Variants in ITPRID1 observed in about 807,000 individuals in gnomAD.
ITPRID1 encodes ITPR interacting domain containing 1.
A neutral mutation model predicts 95.4 loss-of-function variants in ITPRID1; 96 were observed. That is an observed-to-expected ratio of 1.01 (90% confidence interval 0.85 to 1.19). ITPRID1 has a LOEUF of 1.19. ITPRID1 is among the 50% of genes most tolerant of loss of function. The pLI, the probability that ITPRID1 is intolerant of heterozygous loss-of-function variation, is 0.00. For synonymous variants in ITPRID1, 510 were observed against 453.6 expected (o/e 1.12, Z -1.58); for missense variants, 1,339 against 1,252.9 (o/e 1.07, Z -1.04).
At chr7:31,615,909 A>C (rs1787169457) in intron 10 of ITPRID1, among the ~76,000 whole-genome samples, 1 of 151,828 alleles carries the variant, frequency 6.6e-6, no homozygotes, top group South Asian at 2.1e-4. Flanking sequence ...GCCTGCCACC[A>C]CGCCTGGCTA....
chr7:31,538,262 G>GCACA (rs374840092), intron 1 of ITPRID1, among the ~76,000 whole-genome samples: 9 of 150,854 alleles, frequency 6.0e-5, no homozygotes, highest in African/African-American at 1.9e-4. Context: ...ACGTGCGCAT[G>GCACA]CACACACACA....
intron 10 of ITPRID1, among the ~76,000 whole-genome samples, chr7:31,616,780 G>T (rs1227670769): frequency 6.8e-6 from 1 of 147,726 alleles, no homozygotes; most frequent in Non-Finnish European, 1.5e-5. Flanking sequence ...AACCAAAAAG[G>T]TTTCTAAATT....
chr7:31,543,122 G>C (rs2128133528), intron 1 of ITPRID1, among the ~76,000 whole-genome samples: 1 of 152,130 alleles, frequency 6.6e-6, no homozygotes, highest in Non-Finnish European at 1.5e-5. Context: ...TTTAAGAATG[G>C]GGCTAGGAAA....
rs1355214800 is a variant in ITPRID1 at position 31,553,066 on chromosome 7, A to AG, written c.44dup (p.Gln16ProfsTer21). 1.9e-6 allele frequency: 3 copies of AG among 1,609,248 alleles called. No homozygotes were observed. The highest frequency in any genetic ancestry group is 1.3e-5 in the African/African-American group (1 of 74,860). ...CACAAGGATCTGACAACCTTCAGGA[A>AG]GGCCAGGAAAAGAGCAAGAGAGAGA... is the stretch of plus-strand genomic sequence containing the variant. On this transcript the variant is annotated frameshift_variant, in exon 3 of 15. Transcript: ENST00000615280. LOFTEE classifies it high-confidence loss of function.
Position 31,625,301 on chromosome 7 carries a change from T to C in ITPRID1, c.1229-16875T>C, listed in dbSNP as rs1019106164. 6.8e-4 allele frequency among the ~76,000 whole-genome samples: 103 copies of C among 152,054 alleles called. 1 individual carries two copies. The highest frequency in any genetic ancestry group is 2.4e-3 in the African/African-American group (99 of 41,436). ...TATACCCAAAGGATATAAATCATGC[T>C]GCTATAAAGACACATGCACTCATAT... On this transcript the variant is annotated intron_variant, in intron 10 of 14. Coordinates refer to ENST00000615280, the MANE Select transcript of ITPRID1 (RefSeq NM_001257967.3).
At chr7:31,625,411 G>A (rs917355780) in intron 10 of ITPRID1, among the ~76,000 whole-genome samples, 5 of 151,952 alleles carry the variant, frequency 3.3e-5, no homozygotes, top group African/African-American at 7.3e-5. Context: ...AGAAAATGTG[G>A]CACATATACA....
intron 10 of ITPRID1, among the ~76,000 whole-genome samples, chr7:31,602,918 C>G (rs1037465426): frequency 5.6e-5 from 7 of 125,254 alleles, no homozygotes; most frequent in Non-Finnish European, 9.5e-5. Flanking sequence ...TTCATAGATT[C>G]GTTAATAGTC....
At chr7:31,609,870 T>G (rs1786789113) in intron 10 of ITPRID1, among the ~76,000 whole-genome samples, 1 of 151,488 alleles carries the variant, frequency 6.6e-6, no homozygotes. Context: ...AGGTAAGAGG[T>G]TAGGTAATTT....
intron 8 of ITPRID1, among the ~76,000 whole-genome samples, chr7:31,575,458 T>C (rs1177632028): frequency 1.3e-5 from 2 of 152,232 alleles, no homozygotes; most frequent in Admixed American, 1.3e-4. Flanking sequence ...AGGACATTAC[T>C]AAGCATGTTC....
chr7:31,640,952 A>G (rs1249521971), intron 10 of ITPRID1, among the ~76,000 whole-genome samples: 1 of 151,950 alleles, frequency 6.6e-6, no homozygotes, highest in Non-Finnish European at 1.5e-5. Context: ...GGAGTTTATA[A>G]TGTTTAATTA....
At chr7:31,538,009 C>T (rs1432835667) in intron 1 of ITPRID1, among the ~76,000 whole-genome samples, 3 of 152,138 alleles carry the variant, frequency 2.0e-5, no homozygotes, top group Admixed American at 6.5e-5. Context: ...AAATCTATAA[C>T]TTATGTAATA....
chr7:31,628,745 C>G (rs892620669), intron 10 of ITPRID1, among the ~76,000 whole-genome samples: 2 of 152,226 alleles, frequency 1.3e-5, no homozygotes, highest in South Asian at 2.1e-4. Flanking sequence ...CTTGAGCCAC[C>G]GCGCCCGGCC....
At chr7:31,591,483 C>T (rs190821223) in intron 10 of ITPRID1, among the ~76,000 whole-genome samples, 7 of 152,254 alleles carry the variant, frequency 4.6e-5, no homozygotes, top group Admixed American at 4.6e-4. Flanking sequence ...GAAATATTAG[C>T]AAACCGAGTA....
intron 10 of ITPRID1, among the ~76,000 whole-genome samples, chr7:31,620,210 C>A (rs1168717773): frequency 6.6e-6 from 1 of 152,148 alleles, no homozygotes; most frequent in Non-Finnish European, 1.5e-5. Context: ...CAGCAGTAAC[C>A]TCTTCAGACT....
chr7:31,528,456 T>C (rs911293769), intron 1 of ITPRID1, among the ~76,000 whole-genome samples: 2 of 152,194 alleles, frequency 1.3e-5, no homozygotes, highest in East Asian at 1.9e-4. Flanking sequence ...TGAGACAAAG[T>C]TGTGGTCTTC....
intron 1 of ITPRID1, among the ~76,000 whole-genome samples, chr7:31,546,288 A>T (rs531167785): frequency 5.9e-5 from 9 of 152,114 alleles, no homozygotes; most frequent in Non-Finnish European, 1.0e-4. Context: ...TGGGAGGCAC[A>T]TAAGAGAAGG....
chr7:31,561,865 G>A (rs1784633837), intron 5 of ITPRID1, among the ~76,000 whole-genome samples: 1 of 152,018 alleles, frequency 6.6e-6, no homozygotes, highest in African/African-American at 2.4e-5. Flanking sequence ...CTGAGTCTCA[G>A]TTTGGGATGA....
At chr7:31,585,857 CT>C (rs1404568024) in intron 10 of ITPRID1, among the ~76,000 whole-genome samples, 46 of 151,652 alleles carry the variant, frequency 3.0e-4, no homozygotes, top group African/African-American at 9.7e-4. Context: ...TATTATTATA[CT>C]TTTAAGTTTT....
chr7:31,634,199 A>G (rs2128198348), intron 10 of ITPRID1, among the ~76,000 whole-genome samples: 1 of 152,328 alleles, frequency 6.6e-6, no homozygotes, highest in South Asian at 2.1e-4. Flanking sequence ...TCCTGCCCCA[A>G]GCAGGGTCCC....
Sources: gnomAD v4.1 joint callset for allele counts (sites outside exome capture counted in the v4.1 genomes callset) on GRCh38, gnomAD v4.1.1 for gene constraint, MANE v1.5 for transcripts, NCBI Gene and HGNC (gene_info 2026-07-23, HGNC 2026-07-21) for gene names.